Variants in FANCA observed in about 807,000 individuals in gnomAD.
The protein encoded by FANCA is FA complementation group A.
FANCA carries 236 observed loss-of-function variants against 194.3 expected under a neutral mutation model. That is an observed-to-expected ratio of 1.21 (90% CI 1.09 to 1.35). FANCA has a LOEUF of 1.35. Ranked by LOEUF, FANCA falls within the 40% of genes most tolerant of loss-of-function variation. FANCA has a pLI of 0.00. For missense variants in FANCA, 2,628 were observed against 1,813.9 expected, an observed-to-expected ratio of 1.45 and a Z score of -8.15; for synonymous variants, 1,014 against 715.8, an observed-to-expected ratio of 1.42 and a Z score of -6.65.
At position 89,778,966 on chromosome 16, in the gene FANCA, G is replaced by A. The variant is rs2039611087; in HGVS notation, c.1753C>T (p.Pro585Ser). 6.2e-7 allele frequency: 1 copy of A among 1,614,072 alleles called. No individual in the cohort carries two copies. Among genetic ancestry groups the A allele is most frequent in the Non-Finnish European group, 8.5e-7 (1 of 1,180,036 alleles). Residue 585 changes from proline to serine, a missense_variant, in exon 19 of 43, where the codon CCC becomes TCC. By Grantham distance (74) the Pro-to-Ser change is moderately conservative. Transcript: ENST00000389301. ...RRPYYVSHFL[P>S]ALLTPRVLPK... ...ACCACTCGAGGTGTGAGCAGGGCGG[G>A]GAGGAAGTGGGACACGTAGTAAGGC...
At chr16:89,750,161 C>G (rs62054609) in intron 31 of FANCA, among the ~76,000 whole-genome samples, 7 of 151,962 alleles carry the variant, frequency 4.6e-5, no homozygotes, top group Admixed American at 4.6e-4. Flanking sequence ...CCAGGAGTTA[C>G]AGTACTACTT....
intron 1 of FANCA, 102 bp downstream of exon 1, chr16:89,816,435 G>T: frequency 2.7e-6 from 3 of 1,092,922 alleles, no homozygotes; most frequent in Non-Finnish European, 3.6e-6. Context: ...CGGCGTCCGG[G>T]GATCCGACCG....
chr16:89,749,662 C>T, intron 32 of FANCA, 68 bp downstream of exon 32: 5 of 1,553,596 alleles, frequency 3.2e-6, no homozygotes, highest in Non-Finnish European at 4.4e-6. Flanking sequence ...CAAAGAACCT[C>T]TAGGACCGTC....
intron 32 of FANCA, 146 bp downstream of exon 32, chr16:89,749,584 G>T: frequency 1.9e-6 from 2 of 1,034,884 alleles, no homozygotes; most frequent in Non-Finnish European, 2.9e-6. Context: ...CGTGGCATGT[G>T]CCACAGAAAT....
chr16:89,800,329 C>A (rs2040400912), intron 8 of FANCA, among the ~76,000 whole-genome samples: 1 of 152,230 alleles, frequency 6.6e-6, no homozygotes, highest in African/African-American at 2.4e-5. Flanking sequence ...TTCACATCTC[C>A]TGGGCTTAAA....
chr16:89,783,308 TG>T (rs1433093212), intron 15 of FANCA, among the ~76,000 whole-genome samples: 2 of 151,958 alleles, frequency 1.3e-5, no homozygotes, highest in Non-Finnish European at 2.9e-5. Context: ...CCCAGCACTT[TG>T]GGAGGCTGAG....
At chr16:89,784,149 T>G (rs2039815766) in intron 15 of FANCA, among the ~76,000 whole-genome samples, 1 of 151,846 alleles carries the variant, frequency 6.6e-6, no homozygotes, top group South Asian at 2.1e-4. Context: ...AAGGATCACT[T>G]GAGCTCAGTT....
rs140079037 is a variant in FANCA at position 89,770,673 on chromosome 16, G to A, written c.2152-39C>T. On this transcript the variant is annotated intron_variant, in intron 23 of 42. Coordinates refer to ENST00000389301, the MANE Select transcript of FANCA (RefSeq NM_000135.4). ...GTTCTCATGAGCGTGGTGTCCTGGG[G>A]ACGGGAGCAGCAGGAAGGAAGCCGG... The A allele has an allele frequency of 4.1e-5, 64 of 1,548,916 alleles. No homozygotes were observed. The African/African-American group carries it at 7.0e-4, about 17-fold the overall frequency.
At chr16:89,789,436 C>CTTTT (rs532159256) in intron 14 of FANCA, among the ~76,000 whole-genome samples, 4 of 102,554 alleles carry the variant, frequency 3.9e-5, no homozygotes, top group Non-Finnish European at 5.4e-5. Context: ...AAACTCAATA[C>CTTTT]TTTTTTTTTT....
chr16:89,763,804 G>A (rs111849280), intron 28 of FANCA, among the ~76,000 whole-genome samples: 11 of 151,856 alleles, frequency 7.2e-5, no homozygotes, highest in East Asian at 1.9e-4. Context: ...GTGGTGGTGC[G>A]CGCCTGTAGT....
At chr16:89,776,159 C>CTTTTTTTTTTTTT (rs3069458) in intron 20 of FANCA, among the ~76,000 whole-genome samples, 2 of 93,276 alleles carry the variant, frequency 2.1e-5, no homozygotes, top group Non-Finnish European at 4.5e-5. Flanking sequence ...CTTTGTTTTT[C>CTTTTTTTTTTTTT]TTTTTTTTTT....
chr16:89,757,465 C>G (rs981927846), intron 30 of FANCA, among the ~76,000 whole-genome samples: 1 of 152,188 alleles, frequency 6.6e-6, no homozygotes, highest in African/African-American at 2.4e-5. Flanking sequence ...CAGAAACATT[C>G]TGCTCAGCCA....
intron 36 of FANCA, among the ~76,000 whole-genome samples, chr16:89,743,520 A>T (rs1431184438): frequency 6.6e-6 from 1 of 150,518 alleles, no homozygotes; most frequent in African/African-American, 2.5e-5. Context: ...AGTGAGACTC[A>T]ATCTCAAATA....
chr16:89,802,897 T>C (rs1179098992), intron 8 of FANCA, among the ~76,000 whole-genome samples: 1 of 152,152 alleles, frequency 6.6e-6, no homozygotes, highest in East Asian at 1.9e-4. Context: ...GAGAAGGGTA[T>C]ATGCAGTGGG....
In FANCA at chr16:89,764,829, A is replaced by G. The variant is rs1263064844; in HGVS notation, c.2778+61T>C. On this transcript the variant is annotated intron_variant, in intron 28 of 42. Transcript: ENST00000389301. The stretch of plus-strand genomic sequence containing the variant: ...TACGTGCTGCTGTTCTTGCCCGAGG[A>G]GCACACACAAACCCTAGACTCAGGA... 3 of 1,577,424 alleles carry G rather than the reference A, an allele frequency of 1.9e-6. No homozygotes were observed. The Admixed American group carries it at 5.0e-5, about 26-fold the overall frequency.
intron 37 of FANCA, among the ~76,000 whole-genome samples, chr16:89,741,232 C>T (rs1362865366): frequency 6.6e-6 from 1 of 152,204 alleles, no homozygotes; most frequent in African/African-American, 2.4e-5. Context: ...AGCCCACAGG[C>T]TCCAGCCTAA....
chr16:89,764,783 G>A (rs563655589), intron 28 of FANCA, 107 bp downstream of exon 28: 2 of 1,315,830 alleles, frequency 1.5e-6, no homozygotes, highest in East Asian at 4.6e-5. Flanking sequence ...GTGGCATGAT[G>A]CAGGGGAAGG....
Position 89,738,391 on chromosome 16 carries a change from T to A in FANCA, c.*210A>T. On this transcript the variant is annotated 3_prime_UTR_variant, in exon 43 of 43. Transcript: ENST00000389301. ...AGGCGGGCTTGGTGTCCGGCTCAAG[T>A]AGCCTTCCTCTGCTCTGGGACCAGT... 7.2e-7 allele frequency: 1 copy of A among 1,392,666 alleles called. No individual in the cohort carries two copies. Among genetic ancestry groups the A allele is most frequent in the Non-Finnish European group, 9.7e-7 (1 of 1,036,138 alleles). The allele number at this position is 1,392,666 out of a possible 1,614,324, so 86.3% of individuals were successfully genotyped here. A position where few individuals can be genotyped will look rare whatever the true frequency, so the allele number is the denominator to read the frequency against.
intron 20 of FANCA, among the ~76,000 whole-genome samples, chr16:89,777,146 G>C: frequency 6.6e-6 from 1 of 151,752 alleles, no homozygotes; most frequent in East Asian, 1.9e-4. Flanking sequence ...GGAGGTCAAG[G>C]CTGGCCAGGT....
Sources: allele counts gnomAD v4.1 joint callset (sites outside exome capture counted in the v4.1 genomes callset), GRCh38; gene constraint gnomAD v4.1.1; transcripts MANE v1.5; gene names NCBI Gene and HGNC (gene_info 2026-07-23, HGNC 2026-07-21).